The following GRM8 variants were observed in gnomAD, a reference collection of about 807,000 sequenced individuals.
GRM8 encodes glutamate metabotropic receptor 8.
GRM8 carries 47 observed loss-of-function variants against 87.2 expected under a neutral mutation model. That is an observed-to-expected ratio of 0.54 (90% CI 0.43 to 0.69). GRM8 has a LOEUF of 0.69. GRM8 is among the 30% of genes least tolerant of loss of function. The pLI, the probability that GRM8 is intolerant of heterozygous loss-of-function variation, is 0.00. For missense variants in GRM8, 1,019 were observed against 1,139.2 expected, an observed-to-expected ratio of 0.89 and a Z score of 1.52; for synonymous variants, 396 against 404.5, an observed-to-expected ratio of 0.98 and a Z score of 0.25.
At chr7:126,547,573 A>G (rs1817300420) in intron 8 of GRM8, among the ~76,000 whole-genome samples, 1 of 152,010 alleles carries the variant, frequency 6.6e-6, no homozygotes, top group African/African-American at 2.4e-5. Context: ...ATTTGAAGGT[A>G]AAGCTGAGAT....
At chr7:126,926,837 G>C (rs925232896) in intron 3 of GRM8, among the ~76,000 whole-genome samples, 2 of 152,162 alleles carry the variant, frequency 1.3e-5, no homozygotes, top group African/African-American at 4.8e-5. Flanking sequence ...CCCAGCATTG[G>C]TTGGACATTC....
intron 9 of GRM8, among the ~76,000 whole-genome samples, chr7:126,481,534 T>A (rs1806672168): frequency 6.6e-6 from 1 of 152,034 alleles, no homozygotes; most frequent in African/African-American, 2.4e-5. Flanking sequence ...GTGTATTATT[T>A]GTGTGACAAT....
At chr7:127,185,159 ATACAG>A (rs1227441285) in intron 2 of GRM8, among the ~76,000 whole-genome samples, 43 of 152,230 alleles carry the variant, frequency 2.8e-4, no homozygotes, top group Admixed American at 2.6e-3. Context: ...AATCAACAGA[ATACAG>A]TAAAGTAAGC....
At chr7:126,564,598 C>A (rs1442259650) in intron 8 of GRM8, among the ~76,000 whole-genome samples, 1 of 151,998 alleles carries the variant, frequency 6.6e-6, no homozygotes, top group South Asian at 2.1e-4. Flanking sequence ...TAAAAAATGT[C>A]CCTACAAAGA....
At chr7:126,716,819 A>G (rs917257895) in intron 7 of GRM8, among the ~76,000 whole-genome samples, 2 of 152,184 alleles carry the variant, frequency 1.3e-5, no homozygotes, top group African/African-American at 4.8e-5. Flanking sequence ...AGTGATTGAG[A>G]GGAAAGCATG....
rs796924691 is a variant in GRM8, at chr7:126,565,099, T to G, written c.1495-31212A>C. ...ACATATGAAAAGCCTACAGGTAACATCACACTCAGTGGTGAAAAGTTGAAA... is the reference window on the plus strand; with the variant it reads ...ACATATGAAAAGCCTACAGGTAACAGCACACTCAGTGGTGAAAAGTTGAAA... On this transcript the variant is annotated intron_variant, in intron 8 of 10. Coordinates refer to ENST00000339582, the MANE Select transcript of GRM8 (RefSeq NM_000845.3). Among the ~76,000 whole-genome samples, 18 of 152,196 alleles carry G rather than the reference T, an allele frequency of 1.2e-4. No homozygotes were observed. In the South Asian group the frequency reaches 3.5e-3, roughly 30 times the overall value.
At chr7:126,781,027 T>A (rs1037965250) in intron 6 of GRM8, among the ~76,000 whole-genome samples, 1 of 152,198 alleles carries the variant, frequency 6.6e-6, no homozygotes, top group Admixed American at 6.6e-5. Context: ...GATTTGGATA[T>A]GGGCACCATA....
intron 3 of GRM8, among the ~76,000 whole-genome samples, chr7:127,014,254 C>A (rs1027556514): frequency 1.3e-5 from 2 of 152,142 alleles, no homozygotes; most frequent in African/African-American, 4.8e-5. Context: ...TTCTAGCACA[C>A]CATCGCTGCC....
chr7:126,734,318 C>T (rs1813950790), intron 7 of GRM8, among the ~76,000 whole-genome samples: 1 of 151,680 alleles, frequency 6.6e-6, no homozygotes, highest in Admixed American at 6.6e-5. Flanking sequence ...ACAAAGCCAG[C>T]AAAATTTTGA....
chr7:126,569,279 T>C (rs1469459217), intron 8 of GRM8, among the ~76,000 whole-genome samples: 1 of 152,166 alleles, frequency 6.6e-6, no homozygotes, highest in Non-Finnish European at 1.5e-5. Flanking sequence ...AATGTTTCTC[T>C]AATTTGTTCC....
chr7:126,915,995 T>C (rs538929611), intron 3 of GRM8, among the ~76,000 whole-genome samples: 1 of 152,312 alleles, frequency 6.6e-6, no homozygotes, highest in East Asian at 1.9e-4. Context: ...TTTTTGCCAT[T>C]TCAAATTAGG....
At chr7:127,240,424 C>CAAAAAA (rs11305864) in intron 2 of GRM8, among the ~76,000 whole-genome samples, 9 of 141,342 alleles carry the variant, frequency 6.4e-5, no homozygotes, top group African/African-American at 1.8e-4. Context: ...GATTCTATGG[C>CAAAAAA]AAAAAAAAAA....
At chr7:126,472,089 T>C (rs1053030899) in intron 9 of GRM8, among the ~76,000 whole-genome samples, 2 of 152,172 alleles carry the variant, frequency 1.3e-5, no homozygotes, top group African/African-American at 4.8e-5. Context: ...GATTTTGGGC[T>C]GAGACAATGG....
At chr7:126,983,190 T>C (rs557291825) in intron 3 of GRM8, among the ~76,000 whole-genome samples, 1 of 152,182 alleles carries the variant, frequency 6.6e-6, no homozygotes, top group African/African-American at 2.4e-5. Context: ...CTAAGACTTC[T>C]AGGCCAGCAG....
At chr7:126,839,261 A>T (rs1047109069) in intron 6 of GRM8, among the ~76,000 whole-genome samples, 2 of 152,220 alleles carry the variant, frequency 1.3e-5, no homozygotes, top group Admixed American at 6.5e-5. Context: ...AACATGGTCC[A>T]TGGAATAGCA....
At chr7:127,097,786 G>A (rs950360810) in intron 3 of GRM8, among the ~76,000 whole-genome samples, 1 of 152,166 alleles carries the variant, frequency 6.6e-6, no homozygotes, top group African/African-American at 2.4e-5. Context: ...GAAAAAGAGG[G>A]ATTTAAAGAA....
intron 3 of GRM8, among the ~76,000 whole-genome samples, chr7:126,951,756 T>C (rs1181728437): frequency 6.6e-6 from 1 of 151,946 alleles, no homozygotes; most frequent in Admixed American, 6.6e-5. Flanking sequence ...ATTTGAGAAA[T>C]AAATTACAAA....
chr7:126,779,905 T>C (rs1218421917), intron 6 of GRM8, among the ~76,000 whole-genome samples: 1 of 152,150 alleles, frequency 6.6e-6, no homozygotes, highest in Non-Finnish European at 1.5e-5. Flanking sequence ...TGCCTCCAAG[T>C]CTCTGAATTC....
At chr7:126,682,560 G>A (rs1367650113) in intron 7 of GRM8, among the ~76,000 whole-genome samples, 1 of 152,102 alleles carries the variant, frequency 6.6e-6, no homozygotes, top group Non-Finnish European at 1.5e-5. Context: ...ACTAAGACAG[G>A]GGTCAGCAAA....
Sources: allele counts gnomAD v4.1 joint callset (sites outside exome capture counted in the v4.1 genomes callset), GRCh38; gene constraint gnomAD v4.1.1; transcripts MANE v1.5; gene names NCBI Gene and HGNC (gene_info 2026-07-23, HGNC 2026-07-21).